MAP2K6: variants seen among roughly 807,000 people sequenced by gnomAD.
MAP2K6 encodes dual specificity mitogen-activated protein kinase kinase 6.
Under a neutral mutation model 53.7 loss-of-function variants are expected in MAP2K6, and 16 were observed. The ratio of observed to expected loss-of-function variants is 0.30; its 90% CI spans 0.20 to 0.45. MAP2K6 has a LOEUF of 0.45. Ranked by LOEUF, MAP2K6 falls within the 20% of genes least tolerant of loss-of-function variation. The probability of loss-of-function intolerance (pLI) is 1.00; values close to 1 mark genes in which losing one functional copy is unlikely to be tolerated. For synonymous variants in MAP2K6, 132 were observed against 143.1 expected (o/e 0.92, Z 0.55); for missense variants, 204 against 411.9 (o/e 0.50, Z 4.37).
intron 2 of MAP2K6, among the ~76,000 whole-genome samples, chr17:69,511,387 T>C (rs1159693500): frequency 2.0e-5 from 3 of 152,178 alleles, no homozygotes. Context: ...TTCTTCCCAT[T>C]CATACCCTGC....
At chr17:69,419,645 G>T (rs1906012133) in intron 1 of MAP2K6, among the ~76,000 whole-genome samples, 2 of 151,554 alleles carry the variant, frequency 1.3e-5, no homozygotes, top group Admixed American at 1.3e-4. Context: ...TTTTAATTTG[G>T]GTGGCCAGGC....
intron 4 of MAP2K6, among the ~76,000 whole-genome samples, chr17:69,518,618 A>G (rs909433331): frequency 6.6e-6 from 1 of 152,254 alleles, no homozygotes; most frequent in African/African-American, 2.4e-5. Flanking sequence ...AGGAATAATC[A>G]GGTGACTTGG....
chr17:69,495,219 A>G (rs559893712), intron 1 of MAP2K6, among the ~76,000 whole-genome samples: 1 of 150,916 alleles, frequency 6.6e-6, no homozygotes, highest in Admixed American at 6.6e-5. Flanking sequence ...ATATTGGTAA[A>G]TTTCGTTTTA....
chr17:69,433,004 T>C lies in MAP2K6; in HGVS notation c.16+18004T>C, dbSNP rs369689522. Reference sequence around the variant, plus strand: ...TGGTGAACAAACTGAGGCAATGCTCTTGAACCAAGAGAACCAGAAAAGGCA... The same window carrying C: ...TGGTGAACAAACTGAGGCAATGCTCCTGAACCAAGAGAACCAGAAAAGGCA... On this transcript the variant is annotated intron_variant, in intron 1 of 11. Coordinates refer to ENST00000590474, the MANE Select transcript of MAP2K6 (RefSeq NM_002758.4). 6 of 152,354 alleles carry C rather than the reference T, an allele frequency of 3.9e-5. No individual in the cohort carries two copies. The South Asian group carries it at 1.2e-3, about 32-fold the overall frequency. The allele number at this position is 152,354 out of a possible 1,614,324, so 9.4% of individuals were successfully genotyped here. A position where few individuals can be genotyped will look rare whatever the true frequency, so the allele number is the denominator to read the frequency against.
intron 1 of MAP2K6, among the ~76,000 whole-genome samples, chr17:69,424,403 T>TC: frequency 6.6e-6 from 1 of 152,328 alleles, no homozygotes; most frequent in South Asian, 2.1e-4. Context: ...CTTTCTGTGC[T>TC]CCAGATACTG....
At chr17:69,471,371 G>A (rs1239383649) in intron 1 of MAP2K6, among the ~76,000 whole-genome samples, 2 of 152,164 alleles carry the variant, frequency 1.3e-5, no homozygotes, top group African/African-American at 2.4e-5. Context: ...GCCTTTTGTA[G>A]CAACATGGAT....
intron 1 of MAP2K6, among the ~76,000 whole-genome samples, chr17:69,489,636 G>C (rs1908669554): frequency 6.6e-6 from 1 of 152,170 alleles, no homozygotes; most frequent in Non-Finnish European, 1.5e-5. Context: ...GTTACGTGAG[G>C]ATCTGAACTA....
At position 69,516,951 on chromosome 17, in the gene MAP2K6, G is replaced by A. The variant is rs375560937; in HGVS notation, c.132+48G>A. 31 of 1,396,044 alleles carry A rather than the reference G, an allele frequency of 2.2e-5. No homozygotes were observed. In the Middle Eastern group the frequency reaches 5.4e-4, roughly 24 times the overall value. 86.5% of individuals were successfully genotyped at this position (1,396,044 alleles called of 1,614,324 possible). ...ACCTAATACGTTGGCCATTTTATAT[G>A]TATGCTTTCTGACTGAAAAATTTAT... On this transcript the variant is annotated intron_variant, in intron 3 of 11. Transcript: ENST00000590474.
intron 1 of MAP2K6, among the ~76,000 whole-genome samples, chr17:69,474,715 C>A (rs758912609): frequency 1.3e-5 from 2 of 152,228 alleles, no homozygotes; most frequent in Non-Finnish European, 2.9e-5. Context: ...ACCCTGAATG[C>A]TGCATTTGGG....
intron 2 of MAP2K6, among the ~76,000 whole-genome samples, chr17:69,506,961 T>C: frequency 6.6e-6 from 1 of 152,178 alleles, no homozygotes; most frequent in African/African-American, 2.4e-5. Flanking sequence ...CTCTTTTTTT[T>C]TTCTTTTTTT....
Position 69,544,905 on chromosome 17 carries a change from G to A in MAP2K6, c.*3152G>A, listed in dbSNP as rs1216296099. ...TAGAATCCACTCCCTCCTCTGAGAT[G>A]TGTGTCATCATTTGAGAATTCTTAC... is the stretch of plus-strand genomic sequence containing the variant. On this transcript the variant is annotated 3_prime_UTR_variant, in exon 12 of 12. Transcript: ENST00000590474. The A allele has an allele frequency of 6.6e-6, 1 of 152,170 alleles. No homozygotes were observed. Among genetic ancestry groups the A allele is most frequent in the Non-Finnish European group, 1.5e-5 (1 of 68,034 alleles). The allele number at this position is 152,170 out of a possible 1,614,324, so 9.4% of individuals were successfully genotyped here.
intron 1 of MAP2K6, among the ~76,000 whole-genome samples, chr17:69,486,359 A>G (rs1908536421): frequency 6.6e-6 from 1 of 152,206 alleles, no homozygotes; most frequent in Admixed American, 6.5e-5. Flanking sequence ...CTCCCTGTAC[A>G]GAAAATGCCC....
At chr17:69,449,379 T>A (rs1184120170) in intron 1 of MAP2K6, among the ~76,000 whole-genome samples, 1 of 151,626 alleles carries the variant, frequency 6.6e-6, no homozygotes, top group Non-Finnish European at 1.5e-5. Context: ...GTGGAAGAGT[T>A]TACTGTTATT....
intron 1 of MAP2K6, among the ~76,000 whole-genome samples, chr17:69,486,290 A>G (rs1908533392): frequency 6.6e-6 from 1 of 152,198 alleles, no homozygotes; most frequent in Non-Finnish European, 1.5e-5. Context: ...TAGGCATTGG[A>G]GAATGGACCA....
At chr17:69,452,970 G>C (rs1907277110) in intron 1 of MAP2K6, among the ~76,000 whole-genome samples, 1 of 152,190 alleles carries the variant, frequency 6.6e-6, no homozygotes, top group Admixed American at 6.5e-5. Flanking sequence ...GCTGGTTATT[G>C]CATAGAGTGA....
intron 1 of MAP2K6, among the ~76,000 whole-genome samples, chr17:69,497,337 A>G (rs1428612231): frequency 6.6e-6 from 1 of 152,250 alleles, no homozygotes; most frequent in Non-Finnish European, 1.5e-5. Context: ...GGAGAAAAAC[A>G]TACTTGAGCT....
intron 1 of MAP2K6, among the ~76,000 whole-genome samples, chr17:69,463,825 C>G (rs1361079697): frequency 6.6e-6 from 1 of 151,836 alleles, no homozygotes; most frequent in Non-Finnish European, 1.5e-5. Context: ...CAAGACCAGC[C>G]TGGCCAACAT....
intron 10 of MAP2K6, among the ~76,000 whole-genome samples, chr17:69,529,802 C>T (rs1226716128): frequency 5.3e-5 from 8 of 152,098 alleles, no homozygotes; most frequent in African/African-American, 1.9e-4. Context: ...TGAGCCACTG[C>T]GTCCGGCCAA....
At chr17:69,420,030 A>T (rs1260737150) in intron 1 of MAP2K6, among the ~76,000 whole-genome samples, 3 of 152,190 alleles carry the variant, frequency 2.0e-5, no homozygotes, top group African/African-American at 7.2e-5. Context: ...CTGTGTATCT[A>T]AACAATTTAA....
Sources: allele counts gnomAD v4.1 joint callset (sites outside exome capture counted in the v4.1 genomes callset), GRCh38; gene constraint gnomAD v4.1.1; transcripts MANE v1.5; gene names NCBI Gene and HGNC (gene_info 2026-07-23, HGNC 2026-07-21).